ANKRD18A: variants seen among roughly 807,000 people sequenced by gnomAD.
The protein encoded by ANKRD18A is ankyrin repeat domain 18A, also known as ankyrin repeat domain-containing protein 18A.
ANKRD18A carries 72 observed loss-of-function variants against 110.6 expected under a neutral mutation model. The observed-to-expected ratio is 0.65, with a 90% CI of 0.54 to 0.79. The LOEUF is 0.79. Ranked by LOEUF, ANKRD18A falls within the 30% of genes least tolerant of loss-of-function variation. The pLI, the probability that ANKRD18A is intolerant of heterozygous loss-of-function variation, is 0.00. For synonymous variants in ANKRD18A, 305 were observed against 410.3 expected, an observed-to-expected ratio of 0.74 and a Z score of 3.10; for missense variants, 934 against 1,163.3, an observed-to-expected ratio of 0.80 and a Z score of 2.87.
chr9:38,608,429 T>G (rs1825452240), intron 5 of ANKRD18A, among the ~76,000 whole-genome samples: 2 of 151,690 alleles, frequency 1.3e-5, no homozygotes, highest in Non-Finnish European at 2.9e-5. Context: ...ACAACATATT[T>G]GCATGTAACA....
chr9:38,610,734 A>C (rs1252870503), intron 4 of ANKRD18A, among the ~76,000 whole-genome samples: 1 of 152,156 alleles, frequency 6.6e-6, no homozygotes, highest in Non-Finnish European at 1.5e-5. Flanking sequence ...GATTTAGGTG[A>C]AGATTTTCCC....
At chr9:38,593,488 G>A (rs397833527) in intron 10 of ANKRD18A, among the ~76,000 whole-genome samples, 1 of 152,086 alleles carries the variant, frequency 6.6e-6, no homozygotes, top group Non-Finnish European at 1.5e-5. Context: ...ACTGTTTAAC[G>A]GGAAAAAAGT....
chr9:38,584,989 T>C lies in ANKRD18A; in HGVS notation c.2247+1194A>G, dbSNP rs550437606. Reference sequence around the variant, plus strand: ...CAAAGTTATTTTACCCCCAAATATATATTTTTTGACATATTTTGAAATGGC... The same window carrying C: ...CAAAGTTATTTTACCCCCAAATATACATTTTTTGACATATTTTGAAATGGC... On this transcript the variant is annotated intron_variant, in intron 12 of 15. Coordinates refer to ENST00000399703, the MANE Select transcript of ANKRD18A (RefSeq NM_147195.4). Among the ~76,000 whole-genome samples the C allele has an allele frequency of 1.5e-4, 23 of 152,306 alleles. No individual in the cohort carries two copies. In the South Asian group the frequency reaches 3.3e-3, roughly 22 times the overall value.
At chr9:38,585,082 A>T (rs571291890) in intron 12 of ANKRD18A, among the ~76,000 whole-genome samples, 1 of 152,206 alleles carries the variant, frequency 6.6e-6, no homozygotes, top group Non-Finnish European at 1.5e-5. Flanking sequence ...TGCATCTGTA[A>T]GAAGTCTTCA....
At position 38,572,072 on chromosome 9, in the gene ANKRD18A, A is replaced by G. The variant is rs1432490113; in HGVS notation, c.2965-13T>C. 3.2e-6 allele frequency: 5 copies of G among 1,564,978 alleles called. No individual in the cohort carries two copies. The highest frequency in any genetic ancestry group is 4.3e-6 in the Non-Finnish European group (5 of 1,156,708). On this transcript the variant is annotated splice_polypyrimidine_tract_variant and intron_variant, in intron 15 of 15. Coordinates refer to ENST00000399703, the MANE Select transcript of ANKRD18A (RefSeq NM_147195.4). ...AACATAGCAAAACCTGGAAAGAAAA[A>G]GAAAGGATTATGTTCTTTACCTAAA...
downstream of ANKRD18A, among the ~76,000 whole-genome samples, chr9:38,570,112 A>G (rs1823585923): frequency 2.0e-5 from 3 of 151,962 alleles, no homozygotes; most frequent in South Asian, 4.2e-4. Context: ...GCCCCTAATG[A>G]GCACTCCCCC....
intron 6 of ANKRD18A, chr9:38,604,951 T>A (rs1825288225): frequency 6.1e-6 from 1 of 162,890 alleles, no homozygotes; most frequent in Non-Finnish European, 1.5e-5. Flanking sequence ...ATACTCTTTC[T>A]GCCAAGCATC....
chr9:38,616,451 CTG>C (rs1825857706), intron 1 of ANKRD18A, among the ~76,000 whole-genome samples: 1 of 152,168 alleles, frequency 6.6e-6, no homozygotes, highest in South Asian at 2.1e-4. Flanking sequence ...AACTCAATAA[CTG>C]TTAGACTTTT....
chr9:38,597,689 T>C (rs1824947797), intron 8 of ANKRD18A, among the ~76,000 whole-genome samples: 2 of 152,148 alleles, frequency 1.3e-5, no homozygotes, highest in African/African-American at 4.8e-5. Flanking sequence ...CAAAACAATT[T>C]AATGGCTCAG....
At chr9:38,584,652 GAC>G (rs765052040) in intron 12 of ANKRD18A, among the ~76,000 whole-genome samples, 7 of 152,112 alleles carry the variant, frequency 4.6e-5, no homozygotes, top group Non-Finnish European at 8.8e-5. Flanking sequence ...CAGGGTTCAA[GAC>G]ATAAGAGAAT....
In ANKRD18A at chr9:38,620,441, C is replaced by G. The variant is rs1397565175; in HGVS notation, c.-156G>C. The G allele has an allele frequency of 7.1e-7, 1 of 1,415,022 alleles. No individual in the cohort carries two copies. The highest frequency in any genetic ancestry group is 9.3e-7 in the Non-Finnish European group (1 of 1,075,502). 87.7% of individuals were successfully genotyped at this position (1,415,022 alleles called of 1,614,324 possible). Reference sequence around the variant, plus strand: ...CACCCCCAAATCCAAGATCCACCCCCAAACCCGCAATGTAGCTCAGAATCC... The same window carrying G: ...CACCCCCAAATCCAAGATCCACCCCGAAACCCGCAATGTAGCTCAGAATCC... On this transcript the variant is annotated 5_prime_UTR_variant, in exon 1 of 16. Coordinates refer to ENST00000399703, the MANE Select transcript of ANKRD18A (RefSeq NM_147195.4).
chr9:38,572,896 A>G (rs1461084130), intron 15 of ANKRD18A: 9 of 299,970 alleles, frequency 3.0e-5, no homozygotes, highest in Non-Finnish European at 5.0e-5. Flanking sequence ...AACATGATGA[A>G]TTAATGATGC....
Sources: allele counts gnomAD v4.1 joint callset (sites outside exome capture counted in the v4.1 genomes callset), GRCh38; gene constraint gnomAD v4.1.1; transcripts MANE v1.5; gene names NCBI Gene and HGNC (gene_info 2026-07-23, HGNC 2026-07-21).